Variants in SPTBN1 observed in about 807,000 individuals in gnomAD.
The protein encoded by SPTBN1 is spectrin beta, non-erythrocytic 1.
A neutral mutation model predicts 266.4 loss-of-function variants in SPTBN1; 32 were observed. That is an observed-to-expected ratio of 0.12 (90% CI 0.09 to 0.16). The LOEUF is 0.16. Ranked by LOEUF, SPTBN1 falls within the 10% of genes least tolerant of loss-of-function variation. SPTBN1 has a pLI of 1.00. For missense variants in SPTBN1, 2,296 were observed against 3,067.1 expected (o/e 0.75, Z 5.94); for synonymous variants, 1,336 against 1,162.2 (o/e 1.15, Z -3.04).
At chr2:54,633,534 G>T (rs569335565) in intron 17 of SPTBN1, among the ~76,000 whole-genome samples, 2 of 152,032 alleles carry the variant, frequency 1.3e-5, no homozygotes, top group African/African-American at 4.8e-5. Context: ...GCCTTGCCCC[G>T]GTTACTTAAG....
At chr2:54,568,254 A>G (rs952877020) in intron 2 of SPTBN1, among the ~76,000 whole-genome samples, 3 of 150,632 alleles carry the variant, frequency 2.0e-5, no homozygotes, top group Non-Finnish European at 4.4e-5. Context: ...GGTGGCGCAC[A>G]TGTGTAATCC....
chr2:54,582,597 T>C (rs1675011736), intron 2 of SPTBN1, among the ~76,000 whole-genome samples: 1 of 152,026 alleles, frequency 6.6e-6, no homozygotes, highest in Non-Finnish European at 1.5e-5. Context: ...TGGAGGATTC[T>C]TTCTGATGAG....
intron 5 of SPTBN1, 31 bp downstream of exon 5, chr2:54,616,329 G>C: frequency 6.3e-7 from 1 of 1,590,862 alleles, no homozygotes; most frequent in South Asian, 1.1e-5. Context: ...TATTGGGGCT[G>C]CTTCTTCCAG....
At chr2:54,584,087 T>G (rs149891928) in intron 2 of SPTBN1, among the ~76,000 whole-genome samples, 4 of 152,340 alleles carry the variant, frequency 2.6e-5, no homozygotes, top group African/African-American at 9.6e-5. Flanking sequence ...TTTTATGCAG[T>G]TACTTACATT....
Position 54,645,688 on chromosome 2 carries a change from C to CTT in SPTBN1, c.4495-236_4495-235dup, listed in dbSNP as rs1409949640. ...AGGATTTTAATGGCCCTAAAACAGA[C>CTT]TTTTTAAAAGTAATGAGGACTCACA... On this transcript the variant is annotated intron_variant, in intron 21 of 35. Coordinates refer to ENST00000356805, the MANE Select transcript of SPTBN1 (RefSeq NM_003128.3). This position sits in a 1 kb window ranked among gnomAD's most constrained non-coding sequence, Gnocchi z 4.3. Among the ~76,000 whole-genome samples the CTT allele has an allele frequency of 3.3e-5, 5 of 152,120 alleles. No homozygotes were observed. Among genetic ancestry groups the CTT allele is most frequent in the Non-Finnish European group, 5.9e-5 (4 of 68,028 alleles).
At chr2:54,487,424 C>T (rs1227214068) in intron 1 of SPTBN1, among the ~76,000 whole-genome samples, 2 of 152,062 alleles carry the variant, frequency 1.3e-5, no homozygotes, top group South Asian at 2.1e-4. Flanking sequence ...TACAATGAAT[C>T]GCAGTGCAGA....
At chr2:54,502,463 AAC>A (rs1471632860) in intron 1 of SPTBN1, among the ~76,000 whole-genome samples, 1 of 152,214 alleles carries the variant, frequency 6.6e-6, no homozygotes, top group Non-Finnish European at 1.5e-5. Flanking sequence ...TATTTCCGGC[AAC>A]AGAGGAAGAT....
In SPTBN1 at chr2:54,649,926, A is replaced by G. The variant is rs1335816719; in HGVS notation, c.5514A>G (p.Thr1838=). 3.1e-6 allele frequency: 5 copies of G among 1,614,118 alleles called. No individual in the cohort carries two copies. Among genetic ancestry groups the G allele is most frequent in the Non-Finnish European group, 4.2e-6 (5 of 1,180,058 alleles). ...LPEELGRDQN[T]VETLQRMHTT... ...AGGAGCTTGGGAGAGATCAGAACAC[A>G]GTGGAGACCTTACAGAGAATGCACA... Residue 1838 remains threonine (T), a synonymous_variant, in exon 26 of 36, where the codon ACA becomes ACG. Transcript: ENST00000356805. This position sits in a 1 kb window ranked among gnomAD's most constrained non-coding sequence, Gnocchi z 6.7.
At position 54,645,254 on chromosome 2, in the gene SPTBN1, G is replaced by A. The variant is rs1310084086; in HGVS notation, c.4295G>A (p.Arg1432Gln). 5 of 1,614,164 alleles carry A rather than the reference G, an allele frequency of 3.1e-6. No individual in the cohort carries two copies. Among genetic ancestry groups the A allele is most frequent in the Non-Finnish European group, 4.2e-6 (5 of 1,180,020 alleles). Residue 1432 changes from arginine (R) to glutamine (Q), a missense_variant, in exon 21 of 36, where the codon CGG (arginine) becomes CAG (glutamine). Arg to Gln is a conservative substitution (Grantham distance 43, BLOSUM62 1). This residue lies in a region of SPTBN1 where 386 missense variants were observed against 486.1 expected (regional missense o/e 0.79). Transcript: ENST00000356805. This position sits in a 1 kb window ranked among gnomAD's most constrained non-coding sequence, Gnocchi z 4.3. ...ATGCTGGAGAATCAGATGGAAGTGC[G>A]GAAGAAGGAGATCGAAGAGCTCCAA... ...QQMLENQMEV[R>Q]KKEIEELQSQ...
chr2:54,567,393 G>A (rs1314327167), intron 2 of SPTBN1, among the ~76,000 whole-genome samples: 1 of 151,968 alleles, frequency 6.6e-6, no homozygotes, highest in African/African-American at 2.4e-5. Flanking sequence ...AGGCTGGAGT[G>A]CAGTGGCACA....
intron 1 of SPTBN1, among the ~76,000 whole-genome samples, chr2:54,494,895 C>A (rs1483479281): frequency 7.0e-6 from 1 of 143,134 alleles, no homozygotes; most frequent in Non-Finnish European, 1.5e-5. Flanking sequence ...ATCAGTTATA[C>A]CTGAATAAAG....
chr2:54,505,492 C>T (rs941926617), intron 1 of SPTBN1, among the ~76,000 whole-genome samples: 2 of 152,212 alleles, frequency 1.3e-5, no homozygotes, highest in Admixed American at 6.5e-5. Flanking sequence ...TACCTCCTAA[C>T]CCCTAGCCAC....
At chr2:54,610,582 T>C (rs1677146159) in intron 3 of SPTBN1, among the ~76,000 whole-genome samples, 1 of 152,042 alleles carries the variant, frequency 6.6e-6, no homozygotes, top group South Asian at 2.1e-4. Context: ...GCATTTTCAA[T>C]ATGAGATAAA....
intron 3 of SPTBN1, among the ~76,000 whole-genome samples, chr2:54,603,780 C>T (rs184526214): frequency 4.6e-5 from 7 of 152,198 alleles, no homozygotes; most frequent in Admixed American, 6.5e-5. Flanking sequence ...CTATGTATTC[C>T]GTAGAGGCCT....
At chr2:54,474,940 A>AG (rs1481578126) in intron 1 of SPTBN1, among the ~76,000 whole-genome samples, 1 of 152,216 alleles carries the variant, frequency 6.6e-6, no homozygotes, top group Non-Finnish European at 1.5e-5. Flanking sequence ...TGGGAGGCTG[A>AG]GGCGGGTAGA....
chr2:54,621,162 A>G (rs1416356964), intron 7 of SPTBN1, among the ~76,000 whole-genome samples: 2 of 152,156 alleles, frequency 1.3e-5, no homozygotes, highest in Non-Finnish European at 2.9e-5. Context: ...GGGCAAGGAG[A>G]GGAGGAACTA....
chr2:54,657,729 T>C (rs1680766938), intron 29 of SPTBN1, 121 bp from the exon 30 acceptor site: 10 of 1,176,420 alleles, frequency 8.5e-6, no homozygotes, highest in South Asian at 1.4e-5. Flanking sequence ...TAATTTAGAG[T>C]AGACGATAGA....
chr2:54,628,163 A>G lies in SPTBN1; in HGVS notation c.1711A>G (p.Thr571Ala). The G allele has an allele frequency of 6.2e-7, 1 of 1,614,146 alleles. No homozygotes were observed. The highest frequency in any genetic ancestry group is 8.5e-7 in the Non-Finnish European group (1 of 1,179,998). ...TGTGGAAGACCTGTTACAGAAGCAC[A>G]CCCTGGTTGAAGCAGACATTGGCAT... ...LGVEDLLQKH[T>A]LVEADIGIQA... Residue 571 changes from threonine (T) to alanine (A), a missense_variant, in exon 13 of 36, where the codon ACC becomes GCC. This residue lies in a region of SPTBN1 where 434 missense variants were observed against 573.9 expected (regional missense o/e 0.76). Transcript: ENST00000356805. The surrounding 1 kb of genome is among the most constrained non-coding windows in gnomAD (Gnocchi z 4.3).
chr2:54,588,078 T>C (rs996173319), intron 2 of SPTBN1, among the ~76,000 whole-genome samples: 4 of 152,200 alleles, frequency 2.6e-5, no homozygotes, highest in African/African-American at 9.7e-5. Flanking sequence ...TATTATTATA[T>C]TGAAATGTTT....
Sources: allele counts gnomAD v4.1 joint callset (sites outside exome capture counted in the v4.1 genomes callset), GRCh38; gene constraint gnomAD v4.1.1; regional missense constraint gnomAD v4.1.1; non-coding constraint Gnocchi (gnomAD v3.1); transcripts MANE v1.5; gene names NCBI Gene and HGNC (gene_info 2026-07-23, HGNC 2026-07-21).